NHSL1: variants seen among roughly 807,000 people sequenced by gnomAD.
NHSL1 encodes the protein NHS like 1.
In NHSL1, 48 loss-of-function variants were observed where a neutral mutation model predicts 95.0. That is an observed-to-expected ratio of 0.51 (90% CI 0.40 to 0.64). The LOEUF (loss-of-function observed/expected upper bound fraction) is 0.64. NHSL1 is among the 30% of genes least tolerant of loss of function. The pLI is 0.00. For synonymous variants in NHSL1, 783 were observed against 833.9 expected, an observed-to-expected ratio of 0.94 and a Z score of 1.05; for missense variants, 1,971 against 2,077.7, an observed-to-expected ratio of 0.95 and a Z score of 1.00.
chr6:138,484,778 A>C (rs984824727), intron 2 of NHSL1, among the ~76,000 whole-genome samples: 1 of 152,184 alleles, frequency 6.6e-6, no homozygotes, highest in African/African-American at 2.4e-5. Flanking sequence ...ACAACAAAAA[A>C]CCTTAAGGAG....
intron 1 of NHSL1, among the ~76,000 whole-genome samples, chr6:138,676,756 G>A (rs181718314): frequency 6.6e-6 from 1 of 152,322 alleles, no homozygotes; most frequent in East Asian, 1.9e-4. Context: ...CCGGGTTCAA[G>A]TGATTCTCCT....
At chr6:138,666,607 AAAAAG>A (rs1298639820) in intron 1 of NHSL1, among the ~76,000 whole-genome samples, 3 of 151,914 alleles carry the variant, frequency 2.0e-5, no homozygotes, top group African/African-American at 7.2e-5. Flanking sequence ...AAAAAAAAAA[AAAAAG>A]AAGATGTGAC....
intron 1 of NHSL1, among the ~76,000 whole-genome samples, chr6:138,583,894 T>TCC: frequency 6.6e-6 from 1 of 151,670 alleles, no homozygotes; most frequent in Non-Finnish European, 1.5e-5. Flanking sequence ...AGGCCAGGAG[T>TCC]AGGAGAGCAG....
chr6:138,570,181 A>T (rs911075204), intron 1 of NHSL1, among the ~76,000 whole-genome samples: 3 of 152,238 alleles, frequency 2.0e-5, no homozygotes, highest in African/African-American at 7.2e-5. Context: ...CCTCATGCTC[A>T]CATGTATACA....
At chr6:138,591,835 G>A (rs1290403631) in intron 1 of NHSL1, among the ~76,000 whole-genome samples, 1 of 152,162 alleles carries the variant, frequency 6.6e-6, no homozygotes, top group East Asian at 1.9e-4. Flanking sequence ...ATCCTTCTGT[G>A]CAGCGGATCC....
At position 138,430,835 on chromosome 6, in the gene NHSL1, C is replaced by T; in HGVS notation, c.3510G>A (p.Gly1170=). ...TGGGGCTGGGCCGAGCCTCTGCCTC[C>T]CCAGCGCTTGGAGCTCCAGGGCTGC... is the stretch of plus-strand genomic sequence containing the variant. ...VSRSPGAPSA[G]EAEARPSPST... is the part of the protein sequence containing the mutation. Residue 1170 remains glycine, a synonymous_variant, in exon 6 of 8, where the codon GGG becomes GGA. Transcript: ENST00000343505. The surrounding 1 kb of genome is among the most constrained non-coding windows in gnomAD (Gnocchi z 4.7). The T allele has an allele frequency of 1.3e-6, 2 of 1,550,870 alleles. No homozygotes were observed.
Position 138,424,684 on chromosome 6 carries a change from C to G in NHSL1, c.4218G>C (p.Gln1406His). The G allele has an allele frequency of 1.3e-6, 2 of 1,551,664 alleles. No individual in the cohort carries two copies. Among genetic ancestry groups the G allele is most frequent in the Non-Finnish European group, 8.7e-7 (1 of 1,147,010 alleles). The change falls in exon 8 of 8, where the codon CAG becomes CAC. Residue 1406 changes from glutamine to histidine, a missense_variant. Gln to His is a conservative substitution (Grantham distance 24). Transcript: ENST00000343505. This position sits in a 1 kb window ranked among gnomAD's most constrained non-coding sequence, Gnocchi z 5.9. ...TGGTGCTGCTCTTTCGGATGCTTCT[C>G]TGAATCGACCCCACTTGCTTTGGAG... The part of the protein sequence containing the change: ...LASPKQVGSI[Q>H]RSIRKSSTSS...
chr6:138,523,069 A>T (rs1781750012), intron 1 of NHSL1, among the ~76,000 whole-genome samples: 1 of 147,152 alleles, frequency 6.8e-6, no homozygotes, highest in African/African-American at 2.5e-5. Flanking sequence ...TCTGTAGTCT[A>T]CCATCAACTA....
rs1775582678 is a variant in NHSL1, at chr6:138,430,743, A to C, written c.3602T>G (p.Leu1201Arg). The change falls in exon 6 of 8, where the codon CTG becomes CGG. Residue 1201 changes from leucine to arginine, a missense_variant. Leu to Arg is a moderately radical substitution (Grantham distance 102). Transcript: ENST00000343505. This position sits in a 1 kb window ranked among gnomAD's most constrained non-coding sequence, Gnocchi z 4.7. Reference protein sequence around the residue: ...KPPPISKKPKLFLVVPPPQKD... With the variant: ...KPPPISKKPKRFLVVPPPQKD... Reference sequence around the variant, plus strand: ...CTGCGGAGGTGGTACCACCAGGAACAGTTTGGGCTTCTTGGAAATGGGGGG... The same window carrying C: ...CTGCGGAGGTGGTACCACCAGGAACCGTTTGGGCTTCTTGGAAATGGGGGG... 1 of 1,551,654 alleles carries C rather than the reference A, an allele frequency of 6.4e-7. No homozygotes were observed. The highest frequency in any genetic ancestry group is 2.4e-5 in the East Asian group (1 of 40,896).
intron 5 of NHSL1, among the ~76,000 whole-genome samples, chr6:138,438,352 AT>A (rs993579553): frequency 3.1e-4 from 47 of 151,454 alleles, no homozygotes; most frequent in East Asian, 1.4e-3. Flanking sequence ...TACACTGTAC[AT>A]TTTTTTTTAA....
chr6:138,545,274 A>G (rs1328325771), intron 1 of NHSL1, among the ~76,000 whole-genome samples: 1 of 152,002 alleles, frequency 6.6e-6, no homozygotes, highest in African/African-American at 2.4e-5. Flanking sequence ...AACTCCTTAC[A>G]TGAAAATTTC....
Position 138,611,701 on chromosome 6 carries a change from A to C in NHSL1, c.96+80775T>G, listed in dbSNP as rs370426025. On this transcript the variant is annotated intron_variant, in intron 1 of 3. Coordinates refer to the NHSL1 transcript ENST00000491526. ...GCGGAGCTTGCAGTGAGCTGAGATC[A>C]CGCCACTGCACTCCAGCCTGGGCGA... 2.8e-3 allele frequency among the ~76,000 whole-genome samples: 421 copies of C among 152,198 alleles called. 3 individuals are homozygous for C. The highest frequency in any genetic ancestry group is 9.6e-3 in the African/African-American group (397 of 41,530).
intron 3 of NHSL1, among the ~76,000 whole-genome samples, chr6:138,450,192 G>GCACA (rs56866574): frequency 0.12 from 17,727 of 150,734 alleles, 1,104 homozygotes; most frequent in Middle Eastern, 0.17. Context: ...CTTGAGATGT[G>GCACA]CACACACACA....
At chr6:138,540,442 T>C (rs1782536197) in intron 1 of NHSL1, among the ~76,000 whole-genome samples, 1 of 152,236 alleles carries the variant, frequency 6.6e-6, no homozygotes, top group Admixed American at 6.5e-5. Flanking sequence ...CCAGAGCAAA[T>C]GGTTGCTTAC....
At chr6:138,461,410 A>G (rs1777987922) in intron 3 of NHSL1, among the ~76,000 whole-genome samples, 1 of 152,230 alleles carries the variant, frequency 6.6e-6, no homozygotes, top group South Asian at 2.1e-4. Flanking sequence ...ACATATTTGG[A>G]AGAAAAGGAC....
At chr6:138,656,457 A>G (rs190988322) in intron 1 of NHSL1, among the ~76,000 whole-genome samples, 4 of 152,296 alleles carry the variant, frequency 2.6e-5, no homozygotes, top group African/African-American at 7.2e-5. Flanking sequence ...GATTTGCCCA[A>G]TTATGCATGA....
At chr6:138,572,888 T>C (rs1783894445), upstream of NHSL1, among the ~76,000 whole-genome samples, 2 of 152,042 alleles carry the variant, frequency 1.3e-5, no homozygotes, top group South Asian at 4.1e-4. Flanking sequence ...GATAGATAGA[T>C]ACATCCAACA....
Position 138,448,077 on chromosome 6 carries a change from G to A in NHSL1, c.340-884C>T, listed in dbSNP as rs553177629. Among the ~76,000 whole-genome samples, 110 of 152,312 alleles carry A rather than the reference G, an allele frequency of 7.2e-4. 2 individuals are homozygous for A. The South Asian group carries it at 0.022, about 30-fold the overall frequency. ...GCTCTGAGCCATATCAGAATTCTAC[G>A]AAAACATTTCTAGCAGTGTCTGTTT... On this transcript the variant is annotated intron_variant, in intron 3 of 7. Transcript: ENST00000343505.
At chr6:138,626,362 A>T (rs934032006) in intron 1 of NHSL1, among the ~76,000 whole-genome samples, 2 of 152,208 alleles carry the variant, frequency 1.3e-5, no homozygotes, top group African/African-American at 2.4e-5. Flanking sequence ...ACATTTTCTC[A>T]CTGTTAACAG....
Sources: allele counts gnomAD v4.1 joint callset (sites outside exome capture counted in the v4.1 genomes callset), GRCh38; gene constraint gnomAD v4.1.1; non-coding constraint Gnocchi (gnomAD v3.1); transcripts MANE v1.5; gene names NCBI Gene and HGNC (gene_info 2026-07-23, HGNC 2026-07-21).